The following KANSL2 variants were observed in gnomAD, a reference collection of about 807,000 sequenced individuals.
KANSL2 encodes NSL complex protein NSL2.
A neutral mutation model predicts 55.6 loss-of-function variants in KANSL2; 34 were observed. The observed-to-expected ratio is 0.61, with a 90% CI of 0.46 to 0.81. KANSL2 has a LOEUF of 0.81. KANSL2 is among the 40% of genes least tolerant of loss of function. KANSL2 has a pLI of 0.00. For synonymous variants in KANSL2, 209 were observed against 214.3 expected, an observed-to-expected ratio of 0.98 and a Z score of 0.22; for missense variants, 502 against 609.9, an observed-to-expected ratio of 0.82 and a Z score of 1.86.
At position 48,669,180 on chromosome 12, in the gene KANSL2, A is replaced by G; in HGVS notation, c.802T>C (p.Tyr268His). 1.3e-6 allele frequency: 2 copies of G among 1,553,584 alleles called. No homozygotes were observed. The highest frequency in any genetic ancestry group is 4.9e-5 in the East Asian group (2 of 41,202). Residue 268 changes from tyrosine to histidine, a missense_variant, in exon 6 of 10, where the codon TAT becomes CAT. Coordinates refer to ENST00000420613, the MANE Select transcript of KANSL2 (RefSeq NM_017822.4). ...CTATGCAGTAAGGCTTCCACTCCAT[A>G]GCGCTGGCGGTATCGTCGCAGACAT... ...LKCLRRYRQR[Y>H]GVEALLHRQL...
At chr12:48,662,061 A>G (rs1939497750) in intron 7 of KANSL2, among the ~76,000 whole-genome samples, 1 of 152,250 alleles carries the variant, frequency 6.6e-6, no homozygotes. Flanking sequence ...TAATGTGCTT[A>G]AGAAGCCCAC....
intron 4 of KANSL2, among the ~76,000 whole-genome samples, chr12:48,676,635 G>T (rs1450931498): frequency 6.6e-6 from 1 of 152,074 alleles, no homozygotes; most frequent in Admixed American, 6.6e-5. Flanking sequence ...TCCAGCCTGG[G>T]TGACAAGAGT....
At chr12:48,666,611 T>G (rs957469026) in intron 7 of KANSL2, among the ~76,000 whole-genome samples, 6 of 151,996 alleles carry the variant, frequency 3.9e-5, no homozygotes, top group Non-Finnish European at 8.8e-5. Flanking sequence ...AAGAATTGCT[T>G]GAACCCAGGA....
chr12:48,663,944 G>A (rs1939538766), intron 7 of KANSL2, among the ~76,000 whole-genome samples: 1 of 125,330 alleles, frequency 8.0e-6, no homozygotes, highest in Non-Finnish European at 1.6e-5. Context: ...TTGAGACAGA[G>A]TCTCACTCTG....
At position 48,653,950 on chromosome 12, in the gene KANSL2, C is replaced by A; in HGVS notation, c.*94G>T. The A allele has an allele frequency of 7.6e-7, 1 of 1,313,094 alleles. No individual in the cohort carries two copies. The highest frequency in any genetic ancestry group is 1.0e-6 in the Non-Finnish European group (1 of 975,300). The allele number at this position is 1,313,094 out of a possible 1,614,324, so 81.3% of individuals were successfully genotyped here. On this transcript the variant is annotated 3_prime_UTR_variant, in exon 10 of 10. Transcript: ENST00000420613. Reference sequence around the variant, plus strand: ...CAATCCAGAAGAAAAACAAGGTAGTCTGGGTTGCCTGTGTTTTGTGAGAGA... The same window carrying A: ...CAATCCAGAAGAAAAACAAGGTAGTATGGGTTGCCTGTGTTTTGTGAGAGA...
intron 1 of KANSL2, chr12:48,681,941 C>A (rs1235839052): frequency 1.4e-6 from 1 of 702,934 alleles, no homozygotes; most frequent in Non-Finnish European, 2.6e-6. Flanking sequence ...GCCACGCCGC[C>A]TCCCCGCACG....
chr12:48,654,641 G>A, intron 9 of KANSL2: 1 of 506,030 alleles, frequency 2.0e-6, no homozygotes, highest in South Asian at 1.9e-5. Flanking sequence ...TAGATTCCTT[G>A]TCTCAAGCTT....
At chr12:48,670,690 G>A (rs1384170569) in intron 5 of KANSL2, among the ~76,000 whole-genome samples, 1 of 152,186 alleles carries the variant, frequency 6.6e-6, no homozygotes, top group East Asian at 1.9e-4. Context: ...TAAAGGCCAG[G>A]TGCAGTGGCT....
chr12:48,660,716 TATAAG>T (rs1469309118), intron 7 of KANSL2, 97 bp from the exon 8 acceptor site: 3 of 1,212,832 alleles, frequency 2.5e-6, no homozygotes, highest in Non-Finnish European at 3.4e-6. Context: ...GTGTGGACTA[TATAAG>T]ATAAATTACA....
intron 2 of KANSL2, 194 bp from the exon 3 acceptor site, chr12:48,680,027 G>A (rs938436366): frequency 1.7e-5 from 9 of 533,816 alleles, no homozygotes; most frequent in African/African-American, 1.5e-4. Context: ...ATAACAGGAC[G>A]GATGAAGTGG....
At chr12:48,674,285 C>T (rs1252841001) in intron 4 of KANSL2, among the ~76,000 whole-genome samples, 1 of 152,092 alleles carries the variant, frequency 6.6e-6, no homozygotes, top group Admixed American at 6.6e-5. Context: ...AGATTGCAGG[C>T]GTGTGCCACC....
At chr12:48,655,568 C>CAAAA (rs11427280) in intron 8 of KANSL2, among the ~76,000 whole-genome samples, 1 of 143,550 alleles carries the variant, frequency 7.0e-6, no homozygotes, top group Admixed American at 6.9e-5. Context: ...GACCCTGTCT[C>CAAAA]AAAAAAAAAA....
At chr12:48,669,016 C>A in intron 6 of KANSL2, 90 bp downstream of exon 6, 1 of 1,044,640 alleles carries the variant, frequency 9.6e-7, no homozygotes, top group Non-Finnish European at 1.3e-6. Context: ...TGCACTCCAG[C>A]CCGAGTGACA....
chr12:48,680,079 G>C (rs894107791), intron 2 of KANSL2: 8 of 430,176 alleles, frequency 1.9e-5, no homozygotes, highest in Non-Finnish European at 3.4e-5. Flanking sequence ...CTGAGGCAAG[G>C]GATTGGGTCT....
chr12:48,680,027 G>T (rs938436366), intron 2 of KANSL2, 194 bp from the exon 3 acceptor site: 148 of 533,698 alleles, frequency 2.8e-4, no homozygotes. Flanking sequence ...ATAACAGGAC[G>T]GATGAAGTGG....
intron 2 of KANSL2, 129 bp downstream of exon 2, chr12:48,681,253 C>T: frequency 1.9e-6 from 2 of 1,075,072 alleles, no homozygotes; most frequent in Non-Finnish European, 2.6e-6. Flanking sequence ...TTCAGTTTTC[C>T]AAGGATACAA....
intron 4 of KANSL2, among the ~76,000 whole-genome samples, chr12:48,676,899 T>C (rs543557672): frequency 6.6e-6 from 1 of 152,316 alleles, no homozygotes; most frequent in African/African-American, 2.4e-5. Context: ...GTGGTTAAAC[T>C]ATTAGATGAT....
At chr12:48,677,995 C>T (rs1565609858) in intron 4 of KANSL2, among the ~76,000 whole-genome samples, 1 of 151,974 alleles carries the variant, frequency 6.6e-6, no homozygotes, top group Admixed American at 6.6e-5. Flanking sequence ...TAACATACGG[C>T]CATACTATCC....
Position 48,679,157 on chromosome 12 carries a change from C to T in KANSL2, c.431-7G>A, listed in dbSNP as rs763883703. 6.2e-7 allele frequency: 1 copy of T among 1,600,504 alleles called. No individual in the cohort carries two copies. The highest frequency in any genetic ancestry group is 8.6e-7 in the Non-Finnish European group (1 of 1,168,524). ...TCACTCCAGCTGTCTTCATCTGAGG[C>T]AAGGAAGGGAGAGCAGCCATTAAGA... On this transcript the variant is annotated splice_region_variant and splice_polypyrimidine_tract_variant and intron_variant, in intron 3 of 9. Coordinates refer to ENST00000420613, the MANE Select transcript of KANSL2 (RefSeq NM_017822.4).
Sources: gnomAD v4.1 joint callset for allele counts (sites outside exome capture counted in the v4.1 genomes callset) on GRCh38, gnomAD v4.1.1 for gene constraint, MANE v1.5 for transcripts, NCBI Gene and HGNC (gene_info 2026-07-23, HGNC 2026-07-21) for gene names.